The following LIM2 variants were observed in gnomAD, a reference collection of about 807,000 sequenced individuals.
The protein encoded by LIM2 is lens intrinsic membrane protein 2.
Under a neutral mutation model 19.0 loss-of-function variants are expected in LIM2, and 14 were observed. The ratio of observed to expected loss-of-function variants is 0.74; its 90% CI spans 0.49 to 1.15. The LOEUF (loss-of-function observed/expected upper bound fraction) is 1.15. Ranked by LOEUF, LIM2 falls within the 50% of genes most tolerant of loss-of-function variation. The pLI is 0.00. For synonymous variants in LIM2, 78 were observed against 89.6 expected, an observed-to-expected ratio of 0.87 and a Z score of 0.73; for missense variants, 230 against 243.5, an observed-to-expected ratio of 0.94 and a Z score of 0.37.
At chr19:51,381,104 A>G (rs1338155371) in intron 3 of LIM2, among the ~76,000 whole-genome samples, 1 of 152,130 alleles carries the variant, frequency 6.6e-6, no homozygotes, top group East Asian at 1.9e-4. Flanking sequence ...TGAGGTCAGG[A>G]GATCAAGATC....
chr19:51,384,205 T>C (rs915692460), intron 2 of LIM2, among the ~76,000 whole-genome samples: 4 of 151,836 alleles, frequency 2.6e-5, no homozygotes, highest in African/African-American at 7.3e-5. Flanking sequence ...CCAAGGCAGG[T>C]GGATCACCTG....
chr19:51,380,380 T>C (rs1363543220), intron 4 of LIM2, 118 bp from the exon 5 acceptor site: 11 of 1,545,702 alleles, frequency 7.1e-6, no homozygotes, highest in Non-Finnish European at 8.9e-6. Flanking sequence ...CCAGACTCCA[T>C]AGGCCTGGAG....
At chr19:51,384,868 A>C (rs1010820717) in intron 2 of LIM2, among the ~76,000 whole-genome samples, 7 of 151,772 alleles carry the variant, frequency 4.6e-5, no homozygotes, top group African/African-American at 1.7e-4. Flanking sequence ...ATTTTATCTT[A>C]TTATTATTTT....
At chr19:51,383,017 T>C (rs201360758) in intron 2 of LIM2, among the ~76,000 whole-genome samples, 3 of 141,556 alleles carry the variant, frequency 2.1e-5, no homozygotes, top group East Asian at 3.9e-4. Flanking sequence ...CATTTCTTTT[T>C]TTTTCTTTTC....
At chr19:51,382,680 C>A (rs1182652282) in intron 2 of LIM2, 113 bp from the exon 3 acceptor site, 2 of 1,416,908 alleles carry the variant, frequency 1.4e-6, no homozygotes, top group African/African-American at 1.4e-5. Context: ...CCCAGCTCAT[C>A]CTTCCCTTCT....
intron 3 of LIM2, among the ~76,000 whole-genome samples, chr19:51,381,549 T>C (rs1422141307): frequency 6.6e-6 from 1 of 152,142 alleles, no homozygotes; most frequent in Non-Finnish European, 1.5e-5. Flanking sequence ...GGGTGATCCC[T>C]GGCTCCACAG....
In LIM2 at chr19:51,380,076, C is replaced by A. The variant is rs1986850792; in HGVS notation, c.*125G>T. On this transcript the variant is annotated 3_prime_UTR_variant, in exon 5 of 5. Transcript: ENST00000596399. ...CCAGGAGTCAGCCTCCCCCCACAAA[C>A]CCACAGTCCAGAACTGAGCCCCCTC... is the stretch of plus-strand genomic sequence containing the variant. 3.3e-6 allele frequency: 3 copies of A among 899,950 alleles called. No individual in the cohort carries two copies. The South Asian group carries it at 4.3e-5, about 13-fold the overall frequency. 55.7% of individuals were successfully genotyped at this position (899,950 alleles called of 1,614,324 possible). A position where few individuals can be genotyped will look rare whatever the true frequency, so the allele number is the denominator to read the frequency against.
chr19:51,385,658 G>A (rs34211783), intron 2 of LIM2, among the ~76,000 whole-genome samples: 17,176 of 152,236 alleles, frequency 0.11, 1,467 homozygotes, highest in African/African-American at 0.24. Flanking sequence ...TTCCCAGCCC[G>A]AAGCAGGAGA....
intron 1 of LIM2, 67 bp from the exon 2 acceptor site, chr19:51,387,516 G>A (rs756688215): frequency 1.2e-6 from 2 of 1,603,676 alleles, no homozygotes; most frequent in Non-Finnish European, 1.7e-6. Flanking sequence ...GAACTGGGGG[G>A]AGAGAGGGCT....
chr19:51,380,449 T>C (rs1292726537), intron 4 of LIM2, 56 bp downstream of exon 4: 2 of 1,611,942 alleles, frequency 1.2e-6, no homozygotes, highest in African/African-American at 2.7e-5. Flanking sequence ...TCTTCCACTC[T>C]ATCTGCTGCC....
intron 3 of LIM2, 37 bp downstream of exon 3, chr19:51,382,381 G>T: frequency 6.2e-7 from 1 of 1,610,542 alleles, no homozygotes; most frequent in Non-Finnish European, 8.5e-7. Flanking sequence ...TGAGATGAGA[G>T]CGAGGAGAGG....
At chr19:51,387,092 G>T in intron 2 of LIM2, 177 bp downstream of exon 2, 1 of 1,189,122 alleles carries the variant, frequency 8.4e-7, no homozygotes, top group Non-Finnish European at 1.2e-6. Context: ...TGAAACTGCA[G>T]CTAGAAAACA....
chr19:51,380,500 A>G lies in LIM2; in HGVS notation c.460+5T>C. On this transcript the variant is annotated splice_donor_5th_base_variant and intron_variant, in intron 4 of 4. Transcript: ENST00000596399. ...ACTGACCTTCCCACCCCTTGCCCCC[A>G]GTACCTGCGAAGAACGTCATGAGCA... The G allele has an allele frequency of 6.2e-7, 1 of 1,614,102 alleles. No individual in the cohort carries two copies. Among genetic ancestry groups the G allele is most frequent in the South Asian group, 1.1e-5 (1 of 91,076 alleles).
At chr19:51,387,125 C>T in intron 2 of LIM2, 144 bp downstream of exon 2, 1 of 1,482,610 alleles carries the variant, frequency 6.7e-7, no homozygotes. Flanking sequence ...CAGTTCTGCC[C>T]CCTCCATGCT....
intron 2 of LIM2, among the ~76,000 whole-genome samples, chr19:51,386,069 G>T (rs960122887): frequency 6.6e-6 from 1 of 152,022 alleles, no homozygotes; most frequent in Non-Finnish European, 1.5e-5. Context: ...ATCAATGCCA[G>T]TTATTATTAT....
chr19:51,380,164 T>G lies in LIM2; in HGVS notation c.*37A>C. On this transcript the variant is annotated 3_prime_UTR_variant, in exon 5 of 5. Coordinates refer to ENST00000596399, the MANE Select transcript of LIM2 (RefSeq NM_001161748.2). ...TCCTCCTCCTCTTCAGTGGCCTCAC[T>G]TTAACTTCCAGATGAAGTTGGGGGA... The G allele has an allele frequency of 6.2e-7, 1 of 1,602,396 alleles. No homozygotes were observed. Among genetic ancestry groups the G allele is most frequent in the Non-Finnish European group, 8.5e-7 (1 of 1,170,422 alleles).
intron 1 of LIM2, 118 bp from the exon 2 acceptor site, chr19:51,387,567 A>G: frequency 7.0e-7 from 1 of 1,433,376 alleles, no homozygotes; most frequent in African/African-American, 1.4e-5. Flanking sequence ...GGAGATGGAG[A>G]CCTAGACGCC....
rs781424643 is a variant in LIM2, at chr19:51,387,291, G to C, written c.153C>G (p.Cys51Trp). The change falls in exon 2 of 5, where the codon TGC becomes TGG. Residue 51 changes from cysteine (C) to tryptophan (W), a missense_variant. Transcript: ENST00000596399. Reference protein sequence around the residue: ...GLWRYCLGNKCYLQTDSIAYW... With the variant: ...GLWRYCLGNKWYLQTDSIAYW... ...CACCGATGCTGTCTGTCTGCAGGTAGCACTTGTTGCCCAGGCAGTACCGCC... is the reference window on the plus strand; with the variant it reads ...CACCGATGCTGTCTGTCTGCAGGTACCACTTGTTGCCCAGGCAGTACCGCC... 15 of 1,613,990 alleles carry C rather than the reference G, an allele frequency of 9.3e-6. No individual in the cohort carries two copies. Among genetic ancestry groups the C allele is most frequent in the Middle Eastern group, 1.6e-4 (1 of 6,084 alleles).
At chr19:51,382,024 G>C (rs538389630) in intron 3 of LIM2, among the ~76,000 whole-genome samples, 152 of 152,236 alleles carry the variant, frequency 1.0e-3, no homozygotes, top group Non-Finnish European at 1.7e-3. Context: ...CATCGCACCC[G>C]GCCTCCAGCA....
Sources: allele counts gnomAD v4.1 joint callset (sites outside exome capture counted in the v4.1 genomes callset), GRCh38; gene constraint gnomAD v4.1.1; transcripts MANE v1.5; gene names NCBI Gene and HGNC (gene_info 2026-07-23, HGNC 2026-07-21).